Variants in XKR9 observed in about 807,000 individuals in gnomAD.
XKR9 encodes XK related 9, also known as XK-related protein 9.
Under a neutral mutation model 32.0 loss-of-function variants are expected in XKR9, and 32 were observed. The ratio of observed to expected loss-of-function variants is 1.00; its 90% CI spans 0.76 to 1.34. The LOEUF is 1.34. Ranked by LOEUF, XKR9 falls within the 40% of genes most tolerant of loss-of-function variation. The pLI, the probability that XKR9 is intolerant of heterozygous loss-of-function variation, is 0.00. For synonymous variants in XKR9, 168 were observed against 143.4 expected, an observed-to-expected ratio of 1.17 and a Z score of -1.22; for missense variants, 546 against 429.7, an observed-to-expected ratio of 1.27 and a Z score of -2.39.
At chr8:70,827,967 A>G in the XKR9 span, among the ~76,000 whole-genome samples, 1 of 152,184 alleles carries the variant, frequency 6.6e-6, no homozygotes, top group African/African-American at 2.4e-5. Flanking sequence ...ATATCCAGTG[A>G]ACACCTTATT....
intron 2 of XKR9, among the ~76,000 whole-genome samples, chr8:70,767,695 G>T (rs142052339): frequency 3.8e-4 from 57 of 151,752 alleles, no homozygotes; most frequent in African/African-American, 1.3e-3. Context: ...TAGAGATGGG[G>T]TTTCGCTGTG....
chr8:70,914,539 C>G, the XKR9 span, among the ~76,000 whole-genome samples: 1 of 152,018 alleles, frequency 6.6e-6, no homozygotes, highest in Admixed American at 6.6e-5. Flanking sequence ...GTGCATTGTA[C>G]AAATCTTTTG....
In XKR9 at chr8:70,695,148, CATTG is replaced by C. The variant is rs1335007111; in HGVS notation, c.273-11781_273-11778del. Among the ~76,000 whole-genome samples, 5 of 132,744 alleles carry C rather than the reference CATTG, an allele frequency of 3.8e-5. No individual in the cohort carries two copies. The East Asian group carries it at 1.1e-3, about 29-fold the overall frequency. The allele number at this position is 132,744 out of a possible 152,430, so 87.1% of individuals were successfully genotyped here. ...TTTTTCTTTTTTTTTTTTTTTTTCTCATTGATTTGTTTTTAAAAAAATTTTTTTT... is the reference window on the plus strand; with the variant it reads ...TTTTTCTTTTTTTTTTTTTTTTTCTCATTTGTTTTTAAAAAAATTTTTTTT... On this transcript the variant is annotated intron_variant, in intron 3 of 4. Coordinates refer to ENST00000408926, the MANE Select transcript of XKR9 (RefSeq NM_001011720.2).
At chr8:70,797,724 G>A in the XKR9 span, among the ~76,000 whole-genome samples, 1 of 152,006 alleles carries the variant, frequency 6.6e-6, no homozygotes, top group African/African-American at 2.4e-5. Flanking sequence ...CCTCAATGAG[G>A]CCCTGGTGTC....
intron 2 of XKR9, among the ~76,000 whole-genome samples, chr8:70,742,736 G>C (rs1221925654): frequency 2.0e-5 from 3 of 151,744 alleles, no homozygotes; most frequent in Admixed American, 2.0e-4. Context: ...ACTATTGTCT[G>C]GTCTCCATTG....
intron 4 of XKR9, among the ~76,000 whole-genome samples, chr8:70,724,430 G>GAAA (rs35676207): frequency 2.1e-5 from 3 of 143,058 alleles, no homozygotes; most frequent in Admixed American, 6.9e-5. Flanking sequence ...ACTGGGGTAG[G>GAAA]AAAAAAAAAA....
At chr8:70,727,869 G>A (rs1806528500) in intron 4 of XKR9, among the ~76,000 whole-genome samples, 1 of 151,770 alleles carries the variant, frequency 6.6e-6, no homozygotes, top group African/African-American at 2.4e-5. Context: ...ATCGATCTGG[G>A]TAGTGCCACC....
the XKR9 span, among the ~76,000 whole-genome samples, chr8:71,013,412 G>T: frequency 6.6e-6 from 1 of 152,184 alleles, no homozygotes; most frequent in East Asian, 1.9e-4. Flanking sequence ...TTTGGAAAAG[G>T]CTGGGTATTG....
intron 4 of XKR9, among the ~76,000 whole-genome samples, chr8:70,722,092 C>G (rs746144569): frequency 1.3e-5 from 2 of 151,320 alleles, no homozygotes; most frequent in Admixed American, 6.6e-5. Flanking sequence ...GGTTTAAAGT[C>G]TATTTTATCA....
At chr8:70,871,446 G>T in the XKR9 span, among the ~76,000 whole-genome samples, 1 of 152,068 alleles carries the variant, frequency 6.6e-6, no homozygotes, top group African/African-American at 2.4e-5. Flanking sequence ...GTGTCTCTGT[G>T]TCACATTTTG....
At chr8:70,713,516 G>A (rs1256632933) in intron 4 of XKR9, among the ~76,000 whole-genome samples, 1 of 152,124 alleles carries the variant, frequency 6.6e-6, no homozygotes, top group African/African-American at 2.4e-5. Flanking sequence ...CAAAGAGAGT[G>A]TACTTCAGAC....
At chr8:70,879,796 A>T in the XKR9 span, among the ~76,000 whole-genome samples, 4 of 152,218 alleles carry the variant, frequency 2.6e-5, no homozygotes, top group African/African-American at 9.6e-5. Context: ...TCATCCTGAT[A>T]CCAAAGCCTG....
chr8:71,061,608 T>C, the XKR9 span, among the ~76,000 whole-genome samples: 4 of 152,124 alleles, frequency 2.6e-5, no homozygotes, highest in African/African-American at 9.7e-5. Flanking sequence ...TAGACAATGC[T>C]AAAGAGAAAG....
intron 4 of XKR9, among the ~76,000 whole-genome samples, chr8:70,711,590 A>G (rs1805921940): frequency 6.6e-6 from 1 of 152,128 alleles, no homozygotes; most frequent in Non-Finnish European, 1.5e-5. Context: ...ACACATAAAC[A>G]CAAAGAGGGG....
At chr8:70,929,821 G>A in the XKR9 span, among the ~76,000 whole-genome samples, 1 of 152,140 alleles carries the variant, frequency 6.6e-6, no homozygotes, top group Non-Finnish European at 1.5e-5. Context: ...ACTTGTTTGA[G>A]TCAGGCCCAC....
At chr8:70,851,166 T>C in the XKR9 span, among the ~76,000 whole-genome samples, 1 of 152,080 alleles carries the variant, frequency 6.6e-6, no homozygotes, top group South Asian at 2.1e-4. Flanking sequence ...AAATCATGAG[T>C]GAACTCCCAT....
chr8:70,740,021 G>T (rs1016759915), downstream of XKR9, among the ~76,000 whole-genome samples: 1 of 152,122 alleles, frequency 6.6e-6, no homozygotes, highest in Non-Finnish European at 1.5e-5. Context: ...GCCTGCCTTG[G>T]TAGACTGGGG....
intron 1 of XKR9, among the ~76,000 whole-genome samples, chr8:70,674,048 A>G (rs1818804890): frequency 6.6e-6 from 1 of 152,124 alleles, no homozygotes. Context: ...TGAGCCTGTA[A>G]TCCTAGCACT....
At chr8:70,887,624 T>C in the XKR9 span, among the ~76,000 whole-genome samples, 1 of 152,172 alleles carries the variant, frequency 6.6e-6, no homozygotes, top group Non-Finnish European at 1.5e-5. Flanking sequence ...GTAGTTCTCC[T>C]TGAAGAGGTC....
Sources: allele counts gnomAD v4.1 joint callset (sites outside exome capture counted in the v4.1 genomes callset), GRCh38; gene constraint gnomAD v4.1.1; transcripts MANE v1.5; gene names NCBI Gene and HGNC (gene_info 2026-07-23, HGNC 2026-07-21).